Variants in LUZP2 observed in about 807,000 individuals in gnomAD.
LUZP2 encodes the protein leucine zipper protein 2.
In LUZP2, 52 loss-of-function variants were observed where a neutral mutation model predicts 51.6. The ratio of observed to expected loss-of-function variants is 1.01; its 90% confidence interval spans 0.81 to 1.27. The LOEUF (loss-of-function observed/expected upper bound fraction) is 1.27. Ranked by LOEUF, LUZP2 falls within the 50% of genes most tolerant of loss-of-function variation. LUZP2 has a pLI of 0.00. For synonymous variants in LUZP2, 154 were observed against 137.3 expected, an observed-to-expected ratio of 1.12 and a Z score of -0.85; for missense variants, 436 against 395.4, an observed-to-expected ratio of 1.10 and a Z score of -0.87.
intron 7 of LUZP2, among the ~76,000 whole-genome samples, chr11:24,927,901 C>T (rs1565122422): frequency 6.6e-6 from 1 of 151,912 alleles, no homozygotes; most frequent in African/African-American, 2.4e-5. Flanking sequence ...TTTGTTTTGT[C>T]TATGATTTCT....
At chr11:24,749,196 G>A (rs1859488094) in intron 4 of LUZP2, among the ~76,000 whole-genome samples, 1 of 152,144 alleles carries the variant, frequency 6.6e-6, no homozygotes, top group African/African-American at 2.4e-5. Context: ...GACCTGGGCT[G>A]GCACAAAGTG....
chr11:25,022,172 G>A (rs1281350582), intron 9 of LUZP2, among the ~76,000 whole-genome samples: 4 of 151,932 alleles, frequency 2.6e-5, no homozygotes, highest in Admixed American at 6.6e-5. Context: ...AGAAGGGTCA[G>A]CTAACTGTAT....
At chr11:24,586,341 TTG>T (rs1853065825) in intron 1 of LUZP2, among the ~76,000 whole-genome samples, 2 of 152,136 alleles carry the variant, frequency 1.3e-5, no homozygotes, top group Admixed American at 6.6e-5. Flanking sequence ...TTTCATTTTG[TTG>T]TGTTTTTTAG....
At chr11:24,585,599 T>A (rs1463441874) in intron 1 of LUZP2, among the ~76,000 whole-genome samples, 1 of 152,142 alleles carries the variant, frequency 6.6e-6, no homozygotes, top group African/African-American at 2.4e-5. Context: ...AAATTTAGAA[T>A]GTTAAAAAAA....
chr11:24,658,171 A>G (rs541281932), intron 1 of LUZP2, among the ~76,000 whole-genome samples: 1 of 152,326 alleles, frequency 6.6e-6, no homozygotes, highest in East Asian at 1.9e-4. Flanking sequence ...CTGACTTCAA[A>G]CTATGCTACA....
At chr11:24,824,902 A>G (rs907581779) in intron 5 of LUZP2, among the ~76,000 whole-genome samples, 1 of 152,152 alleles carries the variant, frequency 6.6e-6, no homozygotes, top group African/African-American at 2.4e-5. Flanking sequence ...TTTATGCCAA[A>G]TAAAATTTTT....
At chr11:24,593,096 G>A (rs1853314415) in intron 1 of LUZP2, among the ~76,000 whole-genome samples, 1 of 151,962 alleles carries the variant, frequency 6.6e-6, no homozygotes, top group Non-Finnish European at 1.5e-5. Flanking sequence ...CTACACATTA[G>A]GCCTTGAGGA....
At position 24,732,111 on chromosome 11, in the gene LUZP2, T is replaced by C. The variant is rs375638382; in HGVS notation, c.181-7T>C. On this transcript the variant is annotated splice_region_variant and splice_polypyrimidine_tract_variant and intron_variant, in intron 2 of 11. Transcript: ENST00000336930. ...ATAAAACTTCATTTTTCCACTTTTC[T>C]TATCAGTCCTTAAAAAACGATGAGC... The C allele has an allele frequency of 1.2e-6, 2 of 1,602,172 alleles. No individual in the cohort carries two copies. Among genetic ancestry groups the C allele is most frequent in the South Asian group, 1.1e-5 (1 of 89,396 alleles).
intron 1 of LUZP2, among the ~76,000 whole-genome samples, chr11:24,612,489 T>C (rs1854155131): frequency 6.6e-6 from 1 of 152,130 alleles, no homozygotes; most frequent in Non-Finnish European, 1.5e-5. Flanking sequence ...ACCTTTAGTT[T>C]CTATTAAAAT....
chr11:24,716,464 C>A (rs960898472), intron 1 of LUZP2, among the ~76,000 whole-genome samples: 1 of 152,080 alleles, frequency 6.6e-6, no homozygotes, highest in Non-Finnish European at 1.5e-5. Flanking sequence ...ATATAAATTA[C>A]GGCAGGACAG....
intron 9 of LUZP2, among the ~76,000 whole-genome samples, chr11:24,996,184 T>C (rs2133933903): frequency 6.6e-6 from 1 of 151,856 alleles, no homozygotes; most frequent in Admixed American, 6.6e-5. Flanking sequence ...AATCATATTT[T>C]TCTTCTTCTT....
chr11:24,986,025 C>T (rs964348468), intron 9 of LUZP2, among the ~76,000 whole-genome samples: 1 of 151,584 alleles, frequency 6.6e-6, no homozygotes. Flanking sequence ...CATTTATTCC[C>T]ATTATTTTGC....
chr11:24,656,813 G>A lies in LUZP2; in HGVS notation c.63-72356G>A, dbSNP rs186856751. On this transcript the variant is annotated intron_variant, in intron 1 of 11. Coordinates refer to ENST00000336930, the MANE Select transcript of LUZP2 (RefSeq NM_001009909.4). ...GAGCCCCTCTGGTCTCCTCCTCTGC[G>A]TATCCCCCTCATCTCTCCTCAGCTG... Among the ~76,000 whole-genome samples the A allele has an allele frequency of 7.1e-4, 108 of 152,198 alleles. 3 individuals carry two copies. In the South Asian group the frequency reaches 0.015, roughly 21 times the overall value.
At position 24,537,580 on chromosome 11, in the gene LUZP2, A is replaced by T. The variant is rs114853673; in HGVS notation, c.62+40275A>T. 4.5e-3 allele frequency among the ~76,000 whole-genome samples: 689 copies of T among 151,994 alleles called. 6 individuals carry two copies. Among genetic ancestry groups the T allele is most frequent in the African/African-American group, 0.016 (650 of 41,544 alleles). The stretch of plus-strand genomic sequence containing the variant: ...ATATATTCAAATCAAAGGTTCTTTT[A>T]TTTTGTAGAACTATAGAACAGGGAC... On this transcript the variant is annotated intron_variant, in intron 1 of 11. Coordinates refer to ENST00000336930, the MANE Select transcript of LUZP2 (RefSeq NM_001009909.4).
intron 5 of LUZP2, among the ~76,000 whole-genome samples, chr11:24,837,311 A>T (rs1335188522): frequency 1.5e-4 from 23 of 151,918 alleles, no homozygotes; most frequent in African/African-American, 5.5e-4. Context: ...TTATTTGGAC[A>T]AGAGGTAGTT....
At chr11:24,508,648 T>A (rs1233584607) in intron 1 of LUZP2, among the ~76,000 whole-genome samples, 1 of 152,112 alleles carries the variant, frequency 6.6e-6, no homozygotes, top group East Asian at 1.9e-4. Context: ...CTTCTACTTG[T>A]GTGATTCCAG....
chr11:24,526,860 C>G (rs1509607), intron 1 of LUZP2, among the ~76,000 whole-genome samples: 1 of 150,850 alleles, frequency 6.6e-6, no homozygotes, highest in African/African-American at 2.4e-5. Context: ...GTTCTCAGCA[C>G]AAAGCAGCAA....
chr11:25,077,586 A>G (rs896389246), intron 11 of LUZP2, among the ~76,000 whole-genome samples, 180 bp downstream of exon 11: 1 of 150,868 alleles, frequency 6.6e-6, no homozygotes, highest in Non-Finnish European at 1.5e-5. Context: ...TGCAAACTCC[A>G]CCTCCAGGGC....
chr11:24,660,869 T>A (rs1161113785), intron 1 of LUZP2, among the ~76,000 whole-genome samples: 1 of 152,202 alleles, frequency 6.6e-6, no homozygotes, highest in Non-Finnish European at 1.5e-5. Flanking sequence ...GAAATAATAC[T>A]GCTTATATAA....
Sources: gnomAD v4.1 joint callset for allele counts (sites outside exome capture counted in the v4.1 genomes callset) on GRCh38, gnomAD v4.1.1 for gene constraint, MANE v1.5 for transcripts, NCBI Gene and HGNC (gene_info 2026-07-23, HGNC 2026-07-21) for gene names.